The following PARP14 variants were observed in gnomAD, a reference collection of about 807,000 sequenced individuals.
The protein encoded by PARP14 is poly(ADP-ribose) polymerase family member 14, also known as protein mono-ADP-ribosyltransferase PARP14.
PARP14 carries 59 observed loss-of-function variants against 154.2 expected under a neutral mutation model. The ratio of observed to expected loss-of-function variants is 0.38; its 90% CI spans 0.31 to 0.48. The LOEUF (loss-of-function observed/expected upper bound fraction) is 0.48, where lower values mean the gene tolerates loss of function less well. Ranked by LOEUF, PARP14 falls within the 20% of genes least tolerant of loss-of-function variation. The pLI is 0.98. For synonymous variants in PARP14, 720 were observed against 780.5 expected (o/e 0.92, Z 1.29); for missense variants, 1,734 against 2,131.6 (o/e 0.81, Z 3.67).
intron 5 of PARP14, among the ~76,000 whole-genome samples, chr3:122,698,608 C>A (rs1938854925): frequency 6.6e-6 from 1 of 152,152 alleles, no homozygotes; most frequent in African/African-American, 2.4e-5. Context: ...GTCTATGTAA[C>A]CCTATCCAAG....
Position 122,727,977 on chromosome 3 carries a change from G to A in PARP14, c.5107G>A (p.Gly1703Arg), listed in dbSNP as rs770973679. Reference sequence around the variant, plus strand: ...AAATGGCTTTAACCGCAGCTATGCCGGAAAGAATGGTAAGGAAGCGAGTAA... The same window carrying A: ...AAATGGCTTTAACCGCAGCTATGCCAGAAAGAATGGTAAGGAAGCGAGTAA... Reference protein sequence around the residue: ...NRNGFNRSYAGKNAVAYGKGT... With the variant: ...NRNGFNRSYARKNAVAYGKGT... Residue 1703 changes from glycine to arginine, a missense_variant, in exon 16 of 17, where the codon GGA (glycine) becomes AGA (arginine). By Grantham distance (125) the Gly-to-Arg change is moderately radical. This residue lies in a region of PARP14 where 88 missense variants were observed against 155.6 expected (regional missense o/e 0.57). Coordinates refer to ENST00000474629, the MANE Select transcript of PARP14 (RefSeq NM_017554.3). 9.3e-6 allele frequency: 15 copies of A among 1,608,760 alleles called. No individual in the cohort carries two copies. Among genetic ancestry groups the A allele is most frequent in the Admixed American group, 1.7e-5 (1 of 58,740 alleles).
Position 122,718,549 on chromosome 3 carries a change from CTT to C in PARP14, c.4400_4401del (p.Phe1467Ter). On this transcript the variant is annotated frameshift_variant, in exon 14 of 17. Transcript: ENST00000474629. LOFTEE classifies it high-confidence loss of function. ...YTSEDECIKD[F>X]DEKEYQELNE... is the part of the protein sequence containing the mutation. Reference sequence around the variant, plus strand: ...CCAGTGAAGATGAGTGCATCAAAGACTTTGATGAAAAGGAGTATCAGGAGTTG... The same window carrying C: ...CCAGTGAAGATGAGTGCATCAAAGACTGATGAAAAGGAGTATCAGGAGTTG... The C allele has an allele frequency of 6.2e-7, 1 of 1,613,808 alleles. No individual in the cohort carries two copies. The highest frequency in any genetic ancestry group is 8.5e-7 in the Non-Finnish European group (1 of 1,179,784).
At chr3:122,697,151 G>A (rs1004976734) in intron 5 of PARP14, among the ~76,000 whole-genome samples, 4 of 151,864 alleles carry the variant, frequency 2.6e-5, no homozygotes, top group African/African-American at 4.8e-5. Flanking sequence ...ATGGAGTTTC[G>A]CCATGTTTCC....
At chr3:122,727,536 G>A (rs1446602905) in intron 15 of PARP14, among the ~76,000 whole-genome samples, 8 of 152,184 alleles carry the variant, frequency 5.3e-5, no homozygotes, top group Admixed American at 5.2e-4. Context: ...GGCTGGGTCA[G>A]CAGAATTCAT....
intron 3 of PARP14, among the ~76,000 whole-genome samples, chr3:122,691,680 C>A (rs1341072151): frequency 6.6e-6 from 1 of 152,230 alleles, no homozygotes; most frequent in South Asian, 2.1e-4. Flanking sequence ...ATACCATATG[C>A]TAGCAATACA....
intron 15 of PARP14, among the ~76,000 whole-genome samples, chr3:122,724,526 G>C (rs1213376688): frequency 8.9e-6 from 1 of 112,952 alleles, no homozygotes; most frequent in African/African-American, 3.5e-5. Flanking sequence ...TCAAACTTTT[G>C]ACTTCAAAAG....
At chr3:122,689,872 T>C (rs1376382932) in intron 3 of PARP14, among the ~76,000 whole-genome samples, 1 of 152,190 alleles carries the variant, frequency 6.6e-6, no homozygotes, top group African/African-American at 2.4e-5. Context: ...TCTGGCCTCA[T>C]TTTCTTCATT....
intron 3 of PARP14, 72 bp downstream of exon 3, chr3:122,687,185 G>GCTGACTCCCTC: frequency 9.5e-7 from 1 of 1,049,824 alleles, no homozygotes. Context: ...GCACTTGAGG[G>GCTGACTCCCTC]AGTCAGCCCT....
chr3:122,686,544 G>A (rs985554671), intron 2 of PARP14, among the ~76,000 whole-genome samples: 6 of 152,160 alleles, frequency 3.9e-5, no homozygotes, highest in African/African-American at 1.4e-4. Flanking sequence ...CTGTAATCTT[G>A]AACTCCTGGG....
At chr3:122,718,987 A>G (rs3821688) in intron 14 of PARP14, 29 bp downstream of exon 14, 777,460 of 1,503,586 alleles carry the variant, frequency 0.52, 205,661 homozygotes, top group Non-Finnish European at 0.54. Context: ...CTTGTCATCC[A>G]CTATTTCACA....
intron 5 of PARP14, among the ~76,000 whole-genome samples, chr3:122,698,399 T>G (rs1938847795): frequency 6.6e-6 from 1 of 152,202 alleles, no homozygotes; most frequent in African/African-American, 2.4e-5. Context: ...AGCATGCACA[T>G]GCACACACAT....
chr3:122,720,432 G>A (rs61732766), intron 15 of PARP14, 44 bp downstream of exon 15: 3 of 1,576,664 alleles, frequency 1.9e-6, no homozygotes, highest in South Asian at 1.1e-5. Context: ...GTGGAAATAA[G>A]TTCTGTCATG....
Position 122,700,261 on chromosome 3 carries a change from G to A in PARP14, c.1707G>A (p.Glu569=). 1 of 1,612,886 alleles carries A rather than the reference G, an allele frequency of 6.2e-7. No homozygotes were observed. The highest frequency in any genetic ancestry group is 1.7e-5 in the Admixed American group (1 of 59,838). Reference sequence around the variant, plus strand: ...CACAGAAGATTCTTGCACTTTATGAGCTAGAGGGTACAACTGTTCTCTTAA... The same window carrying A: ...CACAGAAGATTCTTGCACTTTATGAACTAGAGGGTACAACTGTTCTCTTAA... The part of the protein sequence containing the change: ...FIAQKILALY[E]LEGTTVLLTS... The change falls in exon 6 of 17, where the codon GAG becomes GAA. Residue 569 remains glutamate (E), a synonymous_variant. Coordinates refer to ENST00000474629, the MANE Select transcript of PARP14 (RefSeq NM_017554.3).
rs970898889 is a variant in PARP14, at chr3:122,700,837, T to C, written c.2283T>C (p.Tyr761=). 1 of 1,614,034 alleles carries C rather than the reference T, an allele frequency of 6.2e-7. No homozygotes were observed. The highest frequency in any genetic ancestry group is 8.5e-7 in the Non-Finnish European group (1 of 1,179,892). The change falls in exon 6 of 17, where the codon TAT becomes TAC. Residue 761 remains tyrosine, a synonymous_variant. Coordinates refer to ENST00000474629, the MANE Select transcript of PARP14 (RefSeq NM_017554.3). ...TCTTCCAGGATAAAGCACGGTTTTA[T>C]CAAAGTGAGATCAAACGGTTGTTTG... ...KQFFQDKARF[Y]QSEIKRLFGC... is the part of the protein sequence containing the mutation.
chr3:122,709,130 C>T (rs1248592520), intron 9 of PARP14, among the ~76,000 whole-genome samples: 1 of 151,906 alleles, frequency 6.6e-6, no homozygotes, highest in African/African-American at 2.4e-5. Flanking sequence ...GTAGTGATTT[C>T]TGAGATTTTA....
At chr3:122,719,960 C>T (rs948569463) in intron 14 of PARP14, among the ~76,000 whole-genome samples, 1 of 152,120 alleles carries the variant, frequency 6.6e-6, no homozygotes, top group Non-Finnish European at 1.5e-5. Context: ...TATACTGCAC[C>T]AACAGTTCTC....
intron 15 of PARP14, chr3:122,721,279 C>T (rs1042085802): frequency 1.6e-5 from 3 of 184,666 alleles, no homozygotes; most frequent in African/African-American, 7.2e-5. Flanking sequence ...GAACATACTC[C>T]CAGTGGCCTA....
intron 9 of PARP14, among the ~76,000 whole-genome samples, chr3:122,709,436 T>C (rs1939253614): frequency 6.6e-6 from 1 of 152,244 alleles, no homozygotes; most frequent in Non-Finnish European, 1.5e-5. Flanking sequence ...CAGCACATTT[T>C]CTTTATCCAC....
In PARP14 at chr3:122,703,862, G is replaced by A; in HGVS notation, c.3202G>A (p.Gly1068Arg). 6.2e-7 allele frequency: 1 copy of A among 1,614,000 alleles called. No homozygotes were observed. Among genetic ancestry groups the A allele is most frequent in the Non-Finnish European group, 8.5e-7 (1 of 1,179,890 alleles). ...GGAGGAATTGGACACAGTTGGACAA[G>A]GGGTGGCTGTCAGCATGGGCACAGT... Reference protein sequence around the residue: ...LQEELDTVGQGVAVSMGTVLK... With the variant: ...LQEELDTVGQRVAVSMGTVLK... Residue 1068 changes from glycine to arginine, a missense_variant, in exon 7 of 17, where the codon GGG becomes AGG. Around this residue, in one of 2 missense-constraint regions of PARP14, gnomAD observed 1,646 missense variants for 1,976.0 expected, o/e 0.83. Coordinates refer to ENST00000474629, the MANE Select transcript of PARP14 (RefSeq NM_017554.3).
Sources: allele counts gnomAD v4.1 joint callset (sites outside exome capture counted in the v4.1 genomes callset), GRCh38; gene constraint gnomAD v4.1.1; regional missense constraint gnomAD v4.1.1; transcripts MANE v1.5; gene names NCBI Gene and HGNC (gene_info 2026-07-23, HGNC 2026-07-21).